Variants in DPY19L2 observed in about 807,000 individuals in gnomAD.
DPY19L2 encodes dpy-19 like 2.
A neutral mutation model predicts 97.9 loss-of-function variants in DPY19L2; 34 were observed. The observed-to-expected ratio is 0.35, with a 90% CI of 0.26 to 0.46. The LOEUF is 0.46. Ranked by LOEUF, DPY19L2 falls within the 20% of genes least tolerant of loss-of-function variation. The probability of loss-of-function intolerance (pLI) is 1.00; values close to 1 mark genes in which losing one functional copy is unlikely to be tolerated. For missense variants in DPY19L2, 623 were observed against 911.4 expected, an observed-to-expected ratio of 0.68 and a Z score of 4.07; for synonymous variants, 230 against 307.9, an observed-to-expected ratio of 0.75 and a Z score of 2.65.
chr12:63,621,868 A>C (rs1488000090), intron 8 of DPY19L2, among the ~76,000 whole-genome samples: 1 of 152,160 alleles, frequency 6.6e-6, no homozygotes, highest in Middle Eastern at 3.2e-3. Context: ...TGGAAGTTTA[A>C]ATTGTCCATT....
Position 63,624,042 on chromosome 12 carries a change from G to T in DPY19L2, c.951C>A (p.Leu317=), listed in dbSNP as rs768470381. ...TTCGTTTTATAAATCGAAGTTACCT[G>T]AGAATCAAAGTTAAAATACACATCT... ...VLQMCILTLI[L]RTSSNDRRPF... The change falls in exon 8 of 22, where the codon CTC becomes CTA. Residue 317 remains leucine (L), a splice_region_variant and synonymous_variant. Coordinates refer to ENST00000324472, the MANE Select transcript of DPY19L2 (RefSeq NM_173812.5). 6.2e-7 allele frequency: 1 copy of T among 1,605,562 alleles called. No individual in the cohort carries two copies. The highest frequency in any genetic ancestry group is 8.5e-7 in the Non-Finnish European group (1 of 1,174,316).
rs569650780 is a variant in DPY19L2, at chr12:63,665,626, T to C, written c.362+209A>G. Among the ~76,000 whole-genome samples the C allele has an allele frequency of 4.2e-3, 640 of 152,314 alleles. 5 individuals carry two copies. The highest frequency in any genetic ancestry group is 7.6e-3 in the Non-Finnish European group (519 of 68,022). ...TTTGGTAAAGCAAAAATATTTTAAT[T>C]CATAAGTGACTATTCCCCTAATGCA... On this transcript the variant is annotated intron_variant, in intron 2 of 21. Coordinates refer to ENST00000324472, the MANE Select transcript of DPY19L2 (RefSeq NM_173812.5).
chr12:63,634,611 C>T (rs1218966862), intron 6 of DPY19L2, among the ~76,000 whole-genome samples: 3 of 152,168 alleles, frequency 2.0e-5, no homozygotes, highest in Non-Finnish European at 4.4e-5. Context: ...ACGGTCTTAG[C>T]AAACGGCACA....
Position 63,647,284 on chromosome 12 carries a change from T to C in DPY19L2, c.670A>G (p.Thr224Ala). 1.3e-6 allele frequency: 2 copies of C among 1,588,208 alleles called. No individual in the cohort carries two copies. The highest frequency in any genetic ancestry group is 2.3e-5 in the East Asian group (1 of 43,476). ...GLETKTCWNVTRIEPLNEVQS... is the reference protein window; with the variant it reads ...GLETKTCWNVARIEPLNEVQS... ...ACTTCATTAAGAGGTTCTATTCTGG[T>C]GACATTCCAGCAGGTCTTAGTTTCT... The change falls in exon 5 of 22, where the codon ACC (threonine) becomes GCC (alanine). Residue 224 changes from threonine to alanine, a missense_variant. Physicochemically the swap from Thr to Ala is moderately conservative, Grantham distance 58 (BLOSUM62 0). Coordinates refer to ENST00000324472, the MANE Select transcript of DPY19L2 (RefSeq NM_173812.5).
At chr12:63,612,597 T>C (rs977932711) in intron 11 of DPY19L2, among the ~76,000 whole-genome samples, 4 of 99,634 alleles carry the variant, frequency 4.0e-5, no homozygotes, top group East Asian at 6.3e-4. Flanking sequence ...CCTTGCTTTA[T>C]ACCTTTAAAA....
chr12:63,594,463 T>TTGTGTGTGTGTGTGTGTGTG lies in DPY19L2; in HGVS notation c.1534-331_1534-330insCACACACACACACACACACA, dbSNP rs770320993. ...GCTGCAGGGATGAGAGAGAGAGAGA[T>TTGTGTGTGTGTGTGTGTGTG]AGTGTGTGTGTGTGTGTGTGTGTGT... On this transcript the variant is annotated intron_variant, in intron 15 of 21. Coordinates refer to ENST00000324472, the MANE Select transcript of DPY19L2 (RefSeq NM_173812.5). Among the ~76,000 whole-genome samples, 6 of 71,232 alleles carry TTGTGTGTGTGTGTGTGTGTG rather than the reference T, an allele frequency of 8.4e-5. No homozygotes were observed. In the South Asian group the frequency reaches 2.7e-3, roughly 32 times the overall value. 46.7% of individuals were successfully genotyped at this position (71,232 alleles called of 152,430 possible).
intron 6 of DPY19L2, among the ~76,000 whole-genome samples, chr12:63,628,526 C>T (rs553061645): frequency 2.0e-5 from 3 of 152,206 alleles, no homozygotes; most frequent in Admixed American, 6.5e-5. Flanking sequence ...GGGAGGGGCA[C>T]CCACCATGGC....
At chr12:63,659,477 G>GT (rs34042733) in intron 4 of DPY19L2, among the ~76,000 whole-genome samples, 94,700 of 148,150 alleles carry the variant, frequency 0.64, 30,782 homozygotes, top group Non-Finnish European at 0.72. Flanking sequence ...ATCACAGCAG[G>GT]TTTTTTTTTT....
intron 3 of DPY19L2, 42 bp downstream of exon 3, chr12:63,663,716 T>C (rs1895975063): frequency 6.5e-7 from 1 of 1,533,898 alleles, no homozygotes; most frequent in Non-Finnish European, 8.9e-7. Context: ...AGTCTCGCTA[T>C]TCTTAAACCA....
intron 4 of DPY19L2, among the ~76,000 whole-genome samples, chr12:63,652,300 G>A (rs554256982): frequency 3.3e-5 from 5 of 152,212 alleles, no homozygotes; most frequent in Admixed American, 3.3e-4. Context: ...GTGGAGAAAA[G>A]GGGATGCTTA....
chr12:63,591,834 C>G (rs1246198037), intron 16 of DPY19L2, among the ~76,000 whole-genome samples: 1 of 150,858 alleles, frequency 6.6e-6, no homozygotes, highest in Non-Finnish European at 1.5e-5. Context: ...TCCCAGCTGA[C>G]TGGCAGAGCT....
chr12:63,660,639 G>A (rs1292012352), intron 4 of DPY19L2, among the ~76,000 whole-genome samples: 1 of 151,888 alleles, frequency 6.6e-6, no homozygotes, highest in African/African-American at 2.4e-5. Flanking sequence ...TATTTTCTAA[G>A]TCTGTAGTTT....
intron 16 of DPY19L2, among the ~76,000 whole-genome samples, chr12:63,589,356 G>GAAAAAAAAAAAA (rs1882429606): frequency 1.6e-4 from 1 of 6,234 alleles, no homozygotes; most frequent in Non-Finnish European, 3.2e-4. Flanking sequence ...AAAATGTGTT[G>GAAAAAAAAAAAA]CAAAAAAAAA....
Position 63,620,090 on chromosome 12 carries a change from T to C in DPY19L2, c.1053+1148A>G, listed in dbSNP as rs1888450940. The C allele has an allele frequency of 7.9e-6, 3 of 377,874 alleles. No homozygotes were observed. In the Admixed American group the frequency reaches 1.0e-4, roughly 13 times the overall value. The allele number at this position is 377,874 out of a possible 1,614,324, so 23.4% of individuals were successfully genotyped here. On this transcript the variant is annotated intron_variant, in intron 9 of 21. Coordinates refer to ENST00000324472, the MANE Select transcript of DPY19L2 (RefSeq NM_173812.5). ...AATTTCTCACTTCCAATATAGAATA[T>C]TATTATTATCATCAGCATTTGTTAT...
At position 63,595,699 on chromosome 12, in the gene DPY19L2, G is replaced by C. The variant is rs531836135; in HGVS notation, c.1533+267C>G. On this transcript the variant is annotated intron_variant, in intron 15 of 21. Transcript: ENST00000324472. Reference sequence around the variant, plus strand: ...GTAAGTTCCAAGACAGGAGCGGCCAGGTTTTATTTGTCCGGGTGTACCTAC... The same window carrying C: ...GTAAGTTCCAAGACAGGAGCGGCCACGTTTTATTTGTCCGGGTGTACCTAC... 2.7e-3 allele frequency among the ~76,000 whole-genome samples: 405 copies of C among 152,180 alleles called. 3 individuals are homozygous for C. The highest frequency in any genetic ancestry group is 9.1e-3 in the African/African-American group (379 of 41,516).
chr12:63,659,263 A>T (rs1458673153), intron 4 of DPY19L2, among the ~76,000 whole-genome samples: 1 of 152,200 alleles, frequency 6.6e-6, no homozygotes, highest in African/African-American at 2.4e-5. Flanking sequence ...ATGGAAAAAT[A>T]AAAATTTTAA....
intron 19 of DPY19L2, among the ~76,000 whole-genome samples, chr12:63,573,380 G>A (rs1879243988): frequency 1.3e-5 from 2 of 151,714 alleles, no homozygotes; most frequent in Admixed American, 6.6e-5. Flanking sequence ...TTAAAGACAG[G>A]TTGCTTGAAA....
Position 63,582,311 on chromosome 12 carries a change from G to A in DPY19L2, c.1725+95C>T, listed in dbSNP as rs567783675. ...TAGTTAAGTTAAAAACACTTAGTGT[G>A]TTTATATTTTGAATTAGTCAGCAAA... On this transcript the variant is annotated intron_variant, in intron 18 of 21. Transcript: ENST00000324472. The A allele has an allele frequency of 2.9e-5, 38 of 1,317,700 alleles. No individual in the cohort carries two copies. The African/African-American group carries it at 5.5e-4, about 19-fold the overall frequency. The allele number at this position is 1,317,700 out of a possible 1,614,324, so 81.6% of individuals were successfully genotyped here. A position where few individuals can be genotyped will look rare whatever the true frequency, so the allele number is the denominator to read the frequency against.
chr12:63,567,822 A>G (rs1358000793), intron 21 of DPY19L2, among the ~76,000 whole-genome samples: 1 of 152,094 alleles, frequency 6.6e-6, no homozygotes, highest in African/African-American at 2.4e-5. Flanking sequence ...ACTTTGAATA[A>G]TCATTCCAGT....
Sources: allele counts gnomAD v4.1 joint callset (sites outside exome capture counted in the v4.1 genomes callset), GRCh38; gene constraint gnomAD v4.1.1; transcripts MANE v1.5; gene names NCBI Gene and HGNC (gene_info 2026-07-23, HGNC 2026-07-21).